Variants in MECOM observed in about 807,000 individuals in gnomAD.
The protein encoded by MECOM is histone-lysine N-methyltransferase MECOM.
Under a neutral mutation model 116.3 loss-of-function variants are expected in MECOM, and 13 were observed. The observed-to-expected ratio is 0.11, with a 90% CI of 0.07 to 0.18. The LOEUF (loss-of-function observed/expected upper bound fraction) is 0.18, where lower values mean the gene tolerates loss of function less well. Ranked by LOEUF, MECOM falls within the 10% of genes least tolerant of loss-of-function variation. MECOM has a pLI of 1.00. For synonymous variants in MECOM, 528 were observed against 535.2 expected (o/e 0.99, Z 0.19); for missense variants, 1,299 against 1,509.0 (o/e 0.86, Z 2.31).
At chr3:169,540,398 C>T (rs529855282) in intron 1 of MECOM, among the ~76,000 whole-genome samples, 3 of 152,296 alleles carry the variant, frequency 2.0e-5, no homozygotes, top group African/African-American at 7.2e-5. Flanking sequence ...TGTTATCTCT[C>T]CCCTGCATTA....
At chr3:169,344,508 C>G (rs1725042858) in intron 2 of MECOM, among the ~76,000 whole-genome samples, 1 of 152,118 alleles carries the variant, frequency 6.6e-6, no homozygotes, top group Non-Finnish European at 1.5e-5. Flanking sequence ...CCCTGAGTGT[C>G]AAGAAGCCTG....
chr3:169,343,186 A>T (rs1388899695), intron 2 of MECOM, among the ~76,000 whole-genome samples: 1 of 152,128 alleles, frequency 6.6e-6, no homozygotes, highest in Non-Finnish European at 1.5e-5. Flanking sequence ...GTTTTGGCTG[A>T]TGACAATGCG....
At chr3:169,207,820 T>C (rs1750148430) in intron 2 of MECOM, among the ~76,000 whole-genome samples, 1 of 152,120 alleles carries the variant, frequency 6.6e-6, no homozygotes, top group Non-Finnish European at 1.5e-5. Flanking sequence ...AGTTTAGAAT[T>C]TAGAGATGAT....
At chr3:169,274,229 A>C (rs917314203) in intron 2 of MECOM, among the ~76,000 whole-genome samples, 1 of 152,110 alleles carries the variant, frequency 6.6e-6, no homozygotes, top group African/African-American at 2.4e-5. Flanking sequence ...CTTCCTAAAA[A>C]TGAGTGAGGA....
intron 1 of MECOM, among the ~76,000 whole-genome samples, chr3:169,545,675 T>G (rs1021009860): frequency 6.6e-6 from 1 of 152,194 alleles, no homozygotes; most frequent in Non-Finnish European, 1.5e-5. Context: ...AAGACATCTC[T>G]GTCCTGGTCC....
At chr3:169,652,490 C>A (rs1372663741) in intron 1 of MECOM, among the ~76,000 whole-genome samples, 1 of 152,032 alleles carries the variant, frequency 6.6e-6, no homozygotes. Context: ...AAGAAAACTC[C>A]TAACAGGCAC....
At chr3:169,157,850 A>G (rs1002846940) in intron 2 of MECOM, among the ~76,000 whole-genome samples, 2 of 152,208 alleles carry the variant, frequency 1.3e-5, no homozygotes, top group African/African-American at 4.8e-5. Flanking sequence ...ATACTTAAAG[A>G]GGAAAGAAAA....
At chr3:169,105,269 G>A (rs1331250556) in intron 10 of MECOM, among the ~76,000 whole-genome samples, 2 of 152,060 alleles carry the variant, frequency 1.3e-5, no homozygotes, top group Non-Finnish European at 2.9e-5. Context: ...TGCTAGTTGG[G>A]GTAACTTGGC....
chr3:169,594,761 C>A (rs1224967476), intron 1 of MECOM, among the ~76,000 whole-genome samples: 1 of 151,300 alleles, frequency 6.6e-6, no homozygotes, highest in Non-Finnish European at 1.5e-5. Flanking sequence ...AGTTGATACT[C>A]TCTGAATATC....
chr3:169,434,398 G>C (rs537058397), intron 1 of MECOM, among the ~76,000 whole-genome samples: 1 of 150,984 alleles, frequency 6.6e-6, no homozygotes, highest in East Asian at 2.0e-4. Context: ...TTCCTTTGTA[G>C]ATAAGCACAG....
chr3:169,166,641 C>G (rs1037940153), intron 2 of MECOM, among the ~76,000 whole-genome samples: 1 of 151,956 alleles, frequency 6.6e-6, no homozygotes, highest in African/African-American at 2.4e-5. Context: ...TGCAAATGTA[C>G]GAGTTAAATT....
intron 3 of MECOM, 62 bp downstream of exon 3, chr3:169,143,636 C>T (rs1018942879): frequency 6.9e-6 from 10 of 1,447,258 alleles, no homozygotes; most frequent in Non-Finnish European, 9.2e-6. Flanking sequence ...TATTTTTATT[C>T]TTCAGGCTCC....
chr3:169,144,251 A>G (rs1739027697), intron 2 of MECOM, among the ~76,000 whole-genome samples: 1 of 105,228 alleles, frequency 9.5e-6, no homozygotes, highest in Non-Finnish European at 2.0e-5. Flanking sequence ...TAATTTAAAA[A>G]CTTCCATCTA....
chr3:169,561,516 A>G (rs1762631803), intron 1 of MECOM, among the ~76,000 whole-genome samples: 1 of 152,220 alleles, frequency 6.6e-6, no homozygotes. Flanking sequence ...ATTTAAATAA[A>G]GTTTTAAAGC....
chr3:169,094,519 C>T (rs1382001548), intron 13 of MECOM, among the ~76,000 whole-genome samples: 1 of 152,214 alleles, frequency 6.6e-6, no homozygotes, highest in Non-Finnish European at 1.5e-5. Flanking sequence ...TTTTATCTTA[C>T]TTTCATATAA....
At chr3:169,656,110 T>G (rs1309857540) in intron 1 of MECOM, among the ~76,000 whole-genome samples, 2 of 152,186 alleles carry the variant, frequency 1.3e-5, no homozygotes, top group African/African-American at 4.8e-5. Flanking sequence ...ACATTGATAT[T>G]TGTTGTGTAA....
intron 2 of MECOM, among the ~76,000 whole-genome samples, chr3:169,367,201 A>C (rs1439545690): frequency 6.6e-5 from 10 of 152,102 alleles, no homozygotes; most frequent in Non-Finnish European, 1.5e-4. Flanking sequence ...AGAGAGTCTG[A>C]AAGCAGCACC....
intron 2 of MECOM, among the ~76,000 whole-genome samples, chr3:169,155,391 C>T (rs1362919117): frequency 3.3e-5 from 5 of 152,104 alleles, no homozygotes; most frequent in African/African-American, 4.8e-5. Context: ...TTCCCTTGTC[C>T]CCAATAAATA....
intron 2 of MECOM, chr3:169,146,958 G>A (rs1740117376): frequency 1.0e-6 from 1 of 1,002,582 alleles, no homozygotes; most frequent in African/African-American, 1.7e-5. Context: ...TGCTCTCCAG[G>A]ACCACGCGTT....
Sources: gnomAD v4.1 joint callset for allele counts (sites outside exome capture counted in the v4.1 genomes callset) on GRCh38, gnomAD v4.1.1 for gene constraint, MANE v1.5 for transcripts, NCBI Gene and HGNC (gene_info 2026-07-23, HGNC 2026-07-21) for gene names.